ASXL2: variants seen among roughly 807,000 people sequenced by gnomAD.
ASXL2 encodes the protein ASXL transcriptional regulator 2, also known as putative Polycomb group protein ASXL2.
ASXL2 carries 23 observed loss-of-function variants against 122.0 expected under a neutral mutation model. The ratio of observed to expected loss-of-function variants is 0.19; its 90% confidence interval spans 0.14 to 0.27. The LOEUF (loss-of-function observed/expected upper bound fraction) is 0.27, where lower values mean the gene tolerates loss of function less well. Ranked by LOEUF, ASXL2 falls within the 10% of genes least tolerant of loss-of-function variation. The probability of loss-of-function intolerance (pLI) is 1.00; values close to 1 mark genes in which losing one functional copy is unlikely to be tolerated. For missense variants in ASXL2, 1,518 were observed against 1,713.8 expected, an observed-to-expected ratio of 0.89 and a Z score of 2.02; for synonymous variants, 650 against 637.0, an observed-to-expected ratio of 1.02 and a Z score of -0.31.
intron 11 of ASXL2, among the ~76,000 whole-genome samples, 160 bp downstream of exon 11, chr2:25,753,371 ACTT>A (rs1383971984): frequency 4.6e-5 from 7 of 151,880 alleles, no homozygotes; most frequent in Middle Eastern, 6.8e-3. Context: ...TAAGAAAAAA[ACTT>A]CTTCCTAAAG....
chr2:25,813,221 T>C (rs534164153), intron 3 of ASXL2, among the ~76,000 whole-genome samples: 2 of 152,226 alleles, frequency 1.3e-5, no homozygotes, highest in South Asian at 2.1e-4. Flanking sequence ...ATAGAGAAGA[T>C]AGGCAAGGGA....
At chr2:25,809,421 G>C (rs1408963756) in intron 3 of ASXL2, among the ~76,000 whole-genome samples, 1 of 152,164 alleles carries the variant, frequency 6.6e-6, no homozygotes, top group Non-Finnish European at 1.5e-5. Context: ...CTGGTTTGGG[G>C]GGTACTTTTT....
At chr2:25,785,012 C>T (rs1036309300) in intron 5 of ASXL2, among the ~76,000 whole-genome samples, 4 of 152,130 alleles carry the variant, frequency 2.6e-5, no homozygotes, top group African/African-American at 9.7e-5. Flanking sequence ...TAGTGCTGCC[C>T]AGGCTAATAG....
chr2:25,877,869 G>T (rs2090022642), intron 1 of ASXL2, among the ~76,000 whole-genome samples: 1 of 152,226 alleles, frequency 6.6e-6, no homozygotes. Flanking sequence ...CCCGTGCCGG[G>T]GCGAGGGCTA....
At position 25,874,247 on chromosome 2, in the gene ASXL2, G is replaced by A. The variant is rs573970842; in HGVS notation, c.57+3919C>T. ...CTCATGCCTGTAATCCCATCACACT[G>A]GGAGGCAGAGGTGGGCAGATCGCTT... On this transcript the variant is annotated intron_variant, in intron 1 of 12. Coordinates refer to ENST00000435504, the MANE Select transcript of ASXL2 (RefSeq NM_018263.6). Among the ~76,000 whole-genome samples, 42 of 152,260 alleles carry A rather than the reference G, an allele frequency of 2.8e-4. No homozygotes were observed. The South Asian group carries it at 8.5e-3, about 31-fold the overall frequency.
Position 25,768,788 on chromosome 2 carries a change from T to C in ASXL2, c.585A>G (p.Ser195=). 6.2e-7 allele frequency: 1 copy of C among 1,613,860 alleles called. No individual in the cohort carries two copies. The highest frequency in any genetic ancestry group is 1.1e-5 in the South Asian group (1 of 91,070). ...CACTGGCTGCTTTGACAGTCTTTAG[T>C]GAGAGATGCTGGTTGGAGGAGATGG... is the stretch of plus-strand genomic sequence containing the variant. ...SISISSNQHL[S]LKTVKAASDS... Residue 195 remains serine (S), a synonymous_variant, in exon 7 of 13, where the codon TCA becomes TCG. Transcript: ENST00000435504.
intron 2 of ASXL2, among the ~76,000 whole-genome samples, chr2:25,840,795 T>G (rs1451597604): frequency 6.6e-6 from 1 of 152,226 alleles, no homozygotes; most frequent in East Asian, 1.9e-4. Context: ...TTGTTACCAC[T>G]TTAATAAATT....
At chr2:25,819,411 G>A (rs1001153956) in intron 3 of ASXL2, among the ~76,000 whole-genome samples, 1 of 151,994 alleles carries the variant, frequency 6.6e-6, no homozygotes, top group Non-Finnish European at 1.5e-5. Flanking sequence ...ATTACAAAGG[G>A]GAAAAATGGT....
At chr2:25,764,980 C>T (rs1247145985) in intron 8 of ASXL2, among the ~76,000 whole-genome samples, 3 of 152,014 alleles carry the variant, frequency 2.0e-5, no homozygotes, top group African/African-American at 7.2e-5. Context: ...CAAGTTTTTT[C>T]AATTTAGGTT....
chr2:25,804,919 G>A (rs144685094), intron 4 of ASXL2, among the ~76,000 whole-genome samples: 2 of 152,196 alleles, frequency 1.3e-5, no homozygotes, highest in East Asian at 1.9e-4. Flanking sequence ...GCGTGGTGGT[G>A]GGCATCTGTA....
rs372584464 is a variant in ASXL2 at position 25,845,278 on chromosome 2, T to C, written c.140+203A>G. On this transcript the variant is annotated intron_variant, in intron 2 of 12. Transcript: ENST00000435504. ...CTTAAAGATAGCTACCCTCTAAGAA[T>C]TGGTTTTAAAACCTTCTGGTTTAAA... 5.2e-5 allele frequency: 42 copies of C among 804,050 alleles called. No individual in the cohort carries two copies. The highest frequency in any genetic ancestry group is 3.8e-4 in the African/African-American group (22 of 57,694). The allele number at this position is 804,050 out of a possible 1,614,324, so 49.8% of individuals were successfully genotyped here.
At chr2:25,854,497 G>C (rs1475160322) in intron 1 of ASXL2, among the ~76,000 whole-genome samples, 1 of 152,170 alleles carries the variant, frequency 6.6e-6, no homozygotes, top group African/African-American at 2.4e-5. Context: ...TGTCCAACTT[G>C]TCATCAGCAG....
At chr2:25,813,502 T>C (rs569746050) in intron 3 of ASXL2, among the ~76,000 whole-genome samples, 17 of 152,210 alleles carry the variant, frequency 1.1e-4, no homozygotes, top group Non-Finnish European at 2.5e-4. Context: ...GAACTGTTGT[T>C]GTCAAGTGAG....
chr2:25,769,078 T>G (rs2088402485), intron 6 of ASXL2, among the ~76,000 whole-genome samples: 1 of 152,134 alleles, frequency 6.6e-6, no homozygotes, highest in Non-Finnish European at 1.5e-5. Flanking sequence ...TCAATTTAAA[T>G]TAAGCCAACT....
intron 2 of ASXL2, among the ~76,000 whole-genome samples, chr2:25,840,322 A>G (rs1487797867): frequency 6.6e-6 from 1 of 152,224 alleles, no homozygotes; most frequent in Non-Finnish European, 1.5e-5. Flanking sequence ...AATCTTTCGC[A>G]GCTAGGAGCC....
At position 25,739,731 on chromosome 2, in the gene ASXL2, C is replaced by CT. The variant is rs1275020309; in HGVS notation, c.*2297dup. 4.7e-6 allele frequency: 1 copy of CT among 213,224 alleles called. No individual in the cohort carries two copies. The highest frequency in any genetic ancestry group is 9.5e-6 in the Non-Finnish European group (1 of 105,580). 13.2% of individuals were successfully genotyped at this position (213,224 alleles called of 1,614,324 possible). On this transcript the variant is annotated 3_prime_UTR_variant, in exon 13 of 13. Coordinates refer to ENST00000435504, the MANE Select transcript of ASXL2 (RefSeq NM_018263.6). ...CCTTTCCTCCTTTCCTAGTTATAGT[C>CT]TGTTCATCCCTAAGTTAAGGGTAGC...
At chr2:25,875,743 C>T (rs1201529847) in intron 1 of ASXL2, among the ~76,000 whole-genome samples, 1 of 152,126 alleles carries the variant, frequency 6.6e-6, no homozygotes, top group East Asian at 1.9e-4. Context: ...GAAACAGACA[C>T]CTGCTTCCTT....
intron 12 of ASXL2, among the ~76,000 whole-genome samples, chr2:25,745,601 G>A (rs1386579844): frequency 1.4e-5 from 2 of 146,584 alleles, no homozygotes; most frequent in Admixed American, 6.8e-5. Flanking sequence ...CTACTTGTGA[G>A]ATTCTGATGT....
chr2:25,878,097 T>A, intron 1 of ASXL2, 69 bp downstream of exon 1: 1 of 1,592,332 alleles, frequency 6.3e-7, no homozygotes, highest in East Asian at 2.2e-5. Flanking sequence ...GACCTCCCTT[T>A]CCCTGCGACT....
Sources: allele counts gnomAD v4.1 joint callset (sites outside exome capture counted in the v4.1 genomes callset), GRCh38; gene constraint gnomAD v4.1.1; transcripts MANE v1.5; gene names NCBI Gene and HGNC (gene_info 2026-07-23, HGNC 2026-07-21).